Variants in ROCK1 observed in about 807,000 individuals in gnomAD.
ROCK1 encodes Rho associated coiled-coil containing protein kinase 1.
A neutral mutation model predicts 196.8 loss-of-function variants in ROCK1; 36 were observed. The observed-to-expected ratio is 0.18, with a 90% CI of 0.14 to 0.24. The LOEUF (loss-of-function observed/expected upper bound fraction) is 0.24. Ranked by LOEUF, ROCK1 falls within the 10% of genes least tolerant of loss-of-function variation. The pLI is 1.00. For synonymous variants in ROCK1, 443 were observed against 515.9 expected, an observed-to-expected ratio of 0.86 and a Z score of 1.91; for missense variants, 920 against 1,562.0, an observed-to-expected ratio of 0.59 and a Z score of 6.93.
Position 21,031,568 on chromosome 18 carries a change from G to A in ROCK1, c.1052-2633C>T, listed in dbSNP as rs1403936147. On this transcript the variant is annotated intron_variant, in intron 9 of 32. Coordinates refer to ENST00000399799, the MANE Select transcript of ROCK1 (RefSeq NM_005406.3). ...TGCAGTGAGCTAAGATCGTGCCACT[G>A]CACTCCAGCCTGGGCAACAGAGCGA... is the stretch of plus-strand genomic sequence containing the variant. 9.6e-5 allele frequency among the ~76,000 whole-genome samples: 13 copies of A among 134,968 alleles called. No homozygotes were observed. In the East Asian group the frequency reaches 2.2e-3, roughly 23 times the overall value. The allele number at this position is 134,968 out of a possible 152,430, so 88.5% of individuals were successfully genotyped here. A position where few individuals can be genotyped will look rare whatever the true frequency, so the allele number is the denominator to read the frequency against.
Position 21,015,510 on chromosome 18 carries a change from A to G in ROCK1, c.1362-31T>C, listed in dbSNP as rs1254777900. ...AAAACAAAAGCAATACAGATTAGAA[A>G]TATACGTATTTCTTATTGCCCAGTG... On this transcript the variant is annotated intron_variant, in intron 12 of 32. Coordinates refer to ENST00000399799, the MANE Select transcript of ROCK1 (RefSeq NM_005406.3). The G allele has an allele frequency of 2.9e-6, 4 of 1,363,936 alleles. No homozygotes were observed. In the African/African-American group the frequency reaches 5.7e-5, roughly 20 times the overall value. 84.5% of individuals were successfully genotyped at this position (1,363,936 alleles called of 1,614,324 possible).
chr18:20,968,311 CT>C (rs545840133), intron 25 of ROCK1, among the ~76,000 whole-genome samples: 281 of 145,156 alleles, frequency 1.9e-3, no homozygotes, highest in Middle Eastern at 3.6e-3. Context: ...AATCCTATTT[CT>C]TTTTTTTTTT....
Position 21,049,247 on chromosome 18 carries a change from G to T in ROCK1, c.277-18C>A. ...TGCCTTACCTTTAAAATTGAAAAGGGAAAATAATGAACCTTTTGTTAACAT... is the reference window on the plus strand; with the variant it reads ...TGCCTTACCTTTAAAATTGAAAAGGTAAAATAATGAACCTTTTGTTAACAT... On this transcript the variant is annotated intron_variant, in intron 3 of 32. Coordinates refer to ENST00000399799, the MANE Select transcript of ROCK1 (RefSeq NM_005406.3). 2 of 1,523,214 alleles carry T rather than the reference G, an allele frequency of 1.3e-6. No homozygotes were observed. Among genetic ancestry groups the T allele is most frequent in the Non-Finnish European group, 8.8e-7 (1 of 1,131,028 alleles). The allele number at this position is 1,523,214 out of a possible 1,614,324, so 94.4% of individuals were successfully genotyped here.
At chr18:20,959,104 T>TTATATA (rs2035292598) in intron 29 of ROCK1, among the ~76,000 whole-genome samples, 3 of 18,798 alleles carry the variant, frequency 1.6e-4, no homozygotes, top group East Asian at 2.0e-3. Flanking sequence ...ATATATATAT[T>TTATATA]ATATATATAT....
Position 20,947,972 on chromosome 18 carries a change from T to A in ROCK1, c.*3412A>T, listed in dbSNP as rs1251560528. ...TAAAAATACAAAAATTAGCTGGGCATGGTGGTGGGCACCTGTAATCCCAGC... is the reference window on the plus strand; with the variant it reads ...TAAAAATACAAAAATTAGCTGGGCAAGGTGGTGGGCACCTGTAATCCCAGC... On this transcript the variant is annotated 3_prime_UTR_variant, in exon 33 of 33. Coordinates refer to ENST00000399799, the MANE Select transcript of ROCK1 (RefSeq NM_005406.3). The A allele has an allele frequency of 2.0e-5, 3 of 151,948 alleles. No homozygotes were observed. The highest frequency in any genetic ancestry group is 7.2e-5 in the African/African-American group (3 of 41,392). 9.4% of individuals were successfully genotyped at this position (151,948 alleles called of 1,614,324 possible).
At chr18:20,959,764 A>G in intron 29 of ROCK1, 76 bp downstream of exon 29, 1 of 705,250 alleles carries the variant, frequency 1.4e-6, no homozygotes, top group Non-Finnish European at 2.2e-6. Flanking sequence ...CAAAATATAA[A>G]ATAAATTTTA....
intron 17 of ROCK1, among the ~76,000 whole-genome samples, chr18:20,992,448 C>T (rs1001244055): frequency 6.6e-6 from 1 of 152,188 alleles, no homozygotes; most frequent in East Asian, 1.9e-4. Context: ...TGTAAAACAA[C>T]AGAACAGGTA....
At chr18:20,976,566 C>T (rs1375189089) in intron 22 of ROCK1, among the ~76,000 whole-genome samples, 4 of 152,158 alleles carry the variant, frequency 2.6e-5, no homozygotes, top group Admixed American at 6.5e-5. Flanking sequence ...CTTACATTAA[C>T]GAATATATCT....
At chr18:21,024,694 T>C (rs2035941883) in intron 10 of ROCK1, among the ~76,000 whole-genome samples, 1 of 152,214 alleles carries the variant, frequency 6.6e-6, no homozygotes, top group Non-Finnish European at 1.5e-5. Flanking sequence ...CCATTAAGTA[T>C]CAATAAACAT....
chr18:21,056,195 T>C (rs1185221090), intron 2 of ROCK1, among the ~76,000 whole-genome samples: 1 of 152,174 alleles, frequency 6.6e-6, no homozygotes, highest in Non-Finnish European at 1.5e-5. Flanking sequence ...TTAAAAACCA[T>C]CTACATATCA....
intron 1 of ROCK1, among the ~76,000 whole-genome samples, chr18:21,110,229 A>G (rs914918696): frequency 5.3e-5 from 8 of 152,234 alleles, no homozygotes; most frequent in Non-Finnish European, 4.4e-5. Flanking sequence ...ATACAATAAA[A>G]TAAGTTAACA....
At chr18:20,999,609 C>G (rs750709206) in intron 16 of ROCK1, among the ~76,000 whole-genome samples, 7 of 152,066 alleles carry the variant, frequency 4.6e-5, no homozygotes, top group Non-Finnish European at 1.0e-4. Context: ...AAACTAAAAA[C>G]AAACACACAA....
intron 13 of ROCK1, among the ~76,000 whole-genome samples, chr18:21,010,250 A>C (rs2143444055): frequency 6.6e-6 from 1 of 151,062 alleles, no homozygotes; most frequent in East Asian, 2.0e-4. Context: ...GGTTTATTTC[A>C]CTCTTCTTAT....
At chr18:21,017,174 C>G (rs1373832162) in intron 12 of ROCK1, among the ~76,000 whole-genome samples, 1 of 149,788 alleles carries the variant, frequency 6.7e-6, no homozygotes, top group Admixed American at 6.7e-5. Context: ...CCAATTAACA[C>G]ATACCACACT....
intron 2 of ROCK1, among the ~76,000 whole-genome samples, chr18:21,062,012 A>G (rs1340845979): frequency 6.6e-6 from 1 of 152,198 alleles, no homozygotes; most frequent in Non-Finnish European, 1.5e-5. Flanking sequence ...TAACATGTGT[A>G]CAGGTATAGA....
chr18:20,963,147 A>G (rs966146098), intron 27 of ROCK1, among the ~76,000 whole-genome samples: 3 of 152,132 alleles, frequency 2.0e-5, no homozygotes, highest in African/African-American at 7.2e-5. Context: ...GTACAAAAAC[A>G]ACTTGGCTCT....
In ROCK1 at chr18:21,032,129, T is replaced by C. The variant is rs58294331; in HGVS notation, c.1052-3194A>G. On this transcript the variant is annotated intron_variant, in intron 9 of 32. Transcript: ENST00000399799. ...CACATCCAAGAAGCTGAATGCCAAC[T>C]ATGAAAAACTCCAAAAGCTCCACAT... Among the ~76,000 whole-genome samples the C allele has an allele frequency of 6.5e-3, 997 of 152,244 alleles. 13 individuals are homozygous for C. Among genetic ancestry groups the C allele is most frequent in the African/African-American group, 0.023 (957 of 41,548 alleles).
chr18:21,025,718 A>G (rs1004302309), intron 10 of ROCK1, among the ~76,000 whole-genome samples: 12 of 152,334 alleles, frequency 7.9e-5, no homozygotes, highest in South Asian at 2.1e-4. Flanking sequence ...CCTCAGCGAC[A>G]GAGTGAGACT....
intron 1 of ROCK1, among the ~76,000 whole-genome samples, chr18:21,091,971 C>T (rs555466190): frequency 1.3e-4 from 20 of 152,044 alleles, no homozygotes; most frequent in Non-Finnish European, 2.2e-4. Context: ...CAGAGCGAGA[C>T]GCTGTCTCAA....
Sources: gnomAD v4.1 joint callset for allele counts (sites outside exome capture counted in the v4.1 genomes callset) on GRCh38, gnomAD v4.1.1 for gene constraint, MANE v1.5 for transcripts, NCBI Gene and HGNC (gene_info 2026-07-23, HGNC 2026-07-21) for gene names.